Variants in THSD7A observed in about 807,000 individuals in gnomAD.
The protein encoded by THSD7A is thrombospondin type 1 domain containing 7A, also known as thrombospondin type-1 domain-containing protein 7A.
In THSD7A, 96 loss-of-function variants were observed where a neutral mutation model predicts 231.3. That is an observed-to-expected ratio of 0.41 (90% CI 0.35 to 0.49). The LOEUF (loss-of-function observed/expected upper bound fraction) is 0.49. Ranked by LOEUF, THSD7A falls within the 20% of genes least tolerant of loss-of-function variation. THSD7A has a pLI of 0.05. For synonymous variants in THSD7A, 940 were observed against 743.3 expected (o/e 1.26, Z -4.30); for missense variants, 2,290 against 2,070.2 (o/e 1.11, Z -2.06).
chr7:11,658,473 A>T (rs565825767), intron 1 of THSD7A, among the ~76,000 whole-genome samples: 4 of 151,404 alleles, frequency 2.6e-5, no homozygotes, highest in African/African-American at 7.3e-5. Context: ...TGGTTGACTT[A>T]TTATTTCAAT....
intron 1 of THSD7A, among the ~76,000 whole-genome samples, chr7:11,639,787 T>C (rs1312539281): frequency 6.6e-6 from 1 of 152,194 alleles, no homozygotes; most frequent in African/African-American, 2.4e-5. Context: ...GTCTATATGT[T>C]ATTGCTAAGG....
At chr7:11,436,584 G>GACTA (rs554489154) in intron 13 of THSD7A, among the ~76,000 whole-genome samples, 47 of 151,958 alleles carry the variant, frequency 3.1e-4, no homozygotes, top group African/African-American at 9.6e-4. Flanking sequence ...CATTTCACTG[G>GACTA]ACTAGAGAAA....
chr7:11,707,402 G>T (rs1172155523), intron 1 of THSD7A, among the ~76,000 whole-genome samples: 1 of 150,936 alleles, frequency 6.6e-6, no homozygotes, highest in African/African-American at 2.4e-5. Flanking sequence ...TGCCTAGTAT[G>T]CCAAGTGTGT....
chr7:11,824,064 A>AT (rs771641607), intron 1 of THSD7A, among the ~76,000 whole-genome samples: 2 of 152,114 alleles, frequency 1.3e-5, no homozygotes, highest in Non-Finnish European at 2.9e-5. Context: ...ACTTGAATGC[A>AT]TTTTAAACTA....
intron 22 of THSD7A, among the ~76,000 whole-genome samples, chr7:11,404,882 C>G (rs187352782): frequency 1.3e-3 from 197 of 152,214 alleles, no homozygotes; most frequent in African/African-American, 4.2e-3. Context: ...TAGAACGGAT[C>G]TCTAGAACTT....
chr7:11,792,489 A>G lies in THSD7A; in HGVS notation c.190+39268T>C, dbSNP rs1278868612. Among the ~76,000 whole-genome samples the G allele has an allele frequency of 2.0e-5, 3 of 151,904 alleles. No homozygotes were observed. The East Asian group carries it at 5.8e-4, about 29-fold the overall frequency. Reference sequence around the variant, plus strand: ...CAATATATCTTGCACCAAGCCTTATAGTGGGGACAATCTAATCACAGCTCC... The same window carrying G: ...CAATATATCTTGCACCAAGCCTTATGGTGGGGACAATCTAATCACAGCTCC... On this transcript the variant is annotated intron_variant, in intron 1 of 27. Transcript: ENST00000423059.
intron 1 of THSD7A, among the ~76,000 whole-genome samples, chr7:11,682,943 T>A (rs1042653936): frequency 2.0e-5 from 3 of 151,670 alleles, no homozygotes; most frequent in Admixed American, 2.0e-4. Flanking sequence ...GCCAAGATAG[T>A]GAAATCCCAT....
intron 1 of THSD7A, among the ~76,000 whole-genome samples, chr7:11,661,519 CA>C (rs201644967): frequency 1.4e-4 from 20 of 147,416 alleles, no homozygotes; most frequent in South Asian, 4.3e-4. Flanking sequence ...AGTTTTTATG[CA>C]AAAAAAAGCA....
At chr7:11,519,084 A>G (rs954000284) in intron 6 of THSD7A, among the ~76,000 whole-genome samples, 1 of 152,140 alleles carries the variant, frequency 6.6e-6, no homozygotes, top group Non-Finnish European at 1.5e-5. Context: ...TAGATAAATG[A>G]CTTTTTTCCT....
chr7:11,610,703 AAG>A (rs1031850680), intron 2 of THSD7A, among the ~76,000 whole-genome samples: 3 of 152,162 alleles, frequency 2.0e-5, no homozygotes, highest in African/African-American at 7.2e-5. Context: ...GGAAGAAACA[AAG>A]AAACTCAGAA....
intron 13 of THSD7A, among the ~76,000 whole-genome samples, chr7:11,436,481 A>ACTT (rs775780143): frequency 1.1e-4 from 17 of 152,054 alleles, no homozygotes; most frequent in South Asian, 2.1e-4. Context: ...TTTACCCTGG[A>ACTT]CTTTTCCCTT....
At chr7:11,526,478 C>T (rs1309139939) in intron 6 of THSD7A, among the ~76,000 whole-genome samples, 5 of 152,124 alleles carry the variant, frequency 3.3e-5, no homozygotes, top group Non-Finnish European at 5.9e-5. Context: ...CATTTGATTA[C>T]ATATTTTCCC....
intron 1 of THSD7A, among the ~76,000 whole-genome samples, chr7:11,731,486 C>G (rs969787264): frequency 8.0e-4 from 121 of 151,574 alleles, no homozygotes; most frequent in African/African-American, 2.8e-3. Flanking sequence ...CTCAGAGTTA[C>G]TAATAGAAGT....
intron 1 of THSD7A, among the ~76,000 whole-genome samples, chr7:11,783,986 A>G (rs990253454): frequency 2.0e-5 from 3 of 152,040 alleles, no homozygotes; most frequent in Admixed American, 6.6e-5. Context: ...TTTTTACTAT[A>G]CTTATTAGTT....
chr7:11,529,233 G>C (rs1472750683), intron 6 of THSD7A, among the ~76,000 whole-genome samples: 1 of 151,910 alleles, frequency 6.6e-6, no homozygotes, highest in Admixed American at 6.6e-5. Context: ...CTGTAAAACA[G>C]GTGAAATAAT....
chr7:11,468,224 A>G (rs1362992575), intron 9 of THSD7A, among the ~76,000 whole-genome samples: 1 of 152,134 alleles, frequency 6.6e-6, no homozygotes, highest in Non-Finnish European at 1.5e-5. Flanking sequence ...GTATAAAGGC[A>G]TCAAGAACAA....
intron 6 of THSD7A, among the ~76,000 whole-genome samples, chr7:11,489,303 C>A (rs1786792578): frequency 6.6e-6 from 1 of 152,092 alleles, no homozygotes; most frequent in Admixed American, 6.6e-5. Flanking sequence ...ACCAAGAAGG[C>A]CTTGAAATTC....
intron 1 of THSD7A, among the ~76,000 whole-genome samples, chr7:11,756,984 G>A (rs1297788542): frequency 1.3e-5 from 2 of 151,924 alleles, no homozygotes; most frequent in Non-Finnish European, 2.9e-5. Context: ...CATCTCTGGT[G>A]TGCAAGCAGA....
At chr7:11,398,014 G>A (rs570741781) in intron 23 of THSD7A, among the ~76,000 whole-genome samples, 1 of 151,572 alleles carries the variant, frequency 6.6e-6, no homozygotes, top group Non-Finnish European at 1.5e-5. Context: ...TGATTCATTG[G>A]ACCCAGCAAT....
Sources: allele counts gnomAD v4.1 joint callset (sites outside exome capture counted in the v4.1 genomes callset), GRCh38; gene constraint gnomAD v4.1.1; transcripts MANE v1.5; gene names NCBI Gene and HGNC (gene_info 2026-07-23, HGNC 2026-07-21).